Variants in TAFA1 observed in about 807,000 individuals in gnomAD.
TAFA1 encodes the protein TAFA chemokine like family member 1.
In TAFA1, 4 loss-of-function variants were observed where a neutral mutation model predicts 18.5. The observed-to-expected ratio is 0.22, with a 90% CI of 0.11 to 0.49. The LOEUF (loss-of-function observed/expected upper bound fraction) is 0.49. TAFA1 is among the 20% of genes least tolerant of loss of function. The pLI is 0.98. For missense variants in TAFA1, 147 were observed against 169.0 expected, an observed-to-expected ratio of 0.87 and a Z score of 0.72; for synonymous variants, 56 against 55.2, an observed-to-expected ratio of 1.01 and a Z score of -0.06.
intron 2 of TAFA1, among the ~76,000 whole-genome samples, chr3:68,310,886 G>A (rs546824824): frequency 5.9e-5 from 9 of 151,978 alleles, no homozygotes; most frequent in African/African-American, 9.7e-5. Context: ...AAGTGTTTAC[G>A]TATGCTAAAT....
At chr3:68,360,177 A>G (rs2069443508) in intron 2 of TAFA1, among the ~76,000 whole-genome samples, 1 of 151,902 alleles carries the variant, frequency 6.6e-6, no homozygotes, top group East Asian at 1.9e-4. Flanking sequence ...TGTCGTGGTG[A>G]TTTGGCAGAG....
chr3:68,073,624 T>A (rs886498683), intron 2 of TAFA1, among the ~76,000 whole-genome samples: 1 of 152,220 alleles, frequency 6.6e-6, no homozygotes, highest in Non-Finnish European at 1.5e-5. Flanking sequence ...GGGATTAAAC[T>A]GTTTCCATAT....
chr3:68,313,531 G>T (rs2068557680), intron 2 of TAFA1, among the ~76,000 whole-genome samples: 1 of 152,140 alleles, frequency 6.6e-6, no homozygotes, highest in Admixed American at 6.5e-5. Flanking sequence ...CCCCCGCAAA[G>T]TTGTTCAAAT....
chr3:68,158,924 A>G (rs2065895341), intron 2 of TAFA1, among the ~76,000 whole-genome samples: 1 of 152,210 alleles, frequency 6.6e-6, no homozygotes, highest in African/African-American at 2.4e-5. Flanking sequence ...GACAAAGAAG[A>G]TGGTGACTGA....
rs751909494 is a variant in TAFA1 at position 68,544,450 on chromosome 3, GTTCTCCCTGAAA to G, written c.385-34_385-23del. 7 of 1,609,768 alleles carry G rather than the reference GTTCTCCCTGAAA, an allele frequency of 4.3e-6. No individual in the cohort carries two copies. In the Admixed American group the frequency reaches 1.2e-4, roughly 27 times the overall value. ...TTTCTTTGTGCCTTCAGTTTGCACT[GTTCTCCCTGAAA>G]TGTCTGTCTTTCTTTGGTTTCAGAT... On this transcript the variant is annotated intron_variant, in intron 4 of 4. Coordinates refer to ENST00000478136, the MANE Select transcript of TAFA1 (RefSeq NM_213609.4).
chr3:68,196,602 A>G (rs1318317782), intron 2 of TAFA1, among the ~76,000 whole-genome samples: 3 of 151,644 alleles, frequency 2.0e-5, no homozygotes, highest in Non-Finnish European at 4.4e-5. Context: ...ATGTTGTCAT[A>G]TTTCTGCCTC....
chr3:68,503,733 C>T (rs1209119284), intron 3 of TAFA1, among the ~76,000 whole-genome samples: 4 of 151,990 alleles, frequency 2.6e-5, no homozygotes, highest in Non-Finnish European at 5.9e-5. Context: ...AGTAGGGAGG[C>T]CTTTCTGATG....
chr3:68,236,461 CCCTTT>C (rs2066928335), intron 2 of TAFA1, among the ~76,000 whole-genome samples: 1 of 152,194 alleles, frequency 6.6e-6, no homozygotes, highest in Non-Finnish European at 1.5e-5. Flanking sequence ...TAAACTCATT[CCCTTT>C]CATTATTTTA....
At chr3:68,038,443 T>A (rs1403559008) in intron 2 of TAFA1, among the ~76,000 whole-genome samples, 1 of 152,184 alleles carries the variant, frequency 6.6e-6, no homozygotes, top group Non-Finnish European at 1.5e-5. Flanking sequence ...GAACCTGTCT[T>A]CTTTCCTGGA....
At chr3:68,116,819 T>C (rs1175380441) in intron 2 of TAFA1, among the ~76,000 whole-genome samples, 1 of 152,218 alleles carries the variant, frequency 6.6e-6, no homozygotes, top group African/African-American at 2.4e-5. Flanking sequence ...CCAGCCCACC[T>C]GCCTGGGTTT....
chr3:68,532,936 A>G lies in TAFA1; in HGVS notation c.260-5820A>G, dbSNP rs1297202257. ...AAAAGTCTGACATAGGTCTCAATCA[A>G]TTTGGAGGTTTATTTTGCCAATGAT... On this transcript the variant is annotated intron_variant, in intron 3 of 4. Coordinates refer to ENST00000478136, the MANE Select transcript of TAFA1 (RefSeq NM_213609.4). Among the ~76,000 whole-genome samples the G allele has an allele frequency of 2.6e-5, 4 of 151,398 alleles. No individual in the cohort carries two copies. In the East Asian group the frequency reaches 5.8e-4, roughly 22 times the overall value.
chr3:68,003,808 T>C (rs1476555639), upstream of TAFA1, among the ~76,000 whole-genome samples: 1 of 152,226 alleles, frequency 6.6e-6, no homozygotes, highest in East Asian at 1.9e-4. Flanking sequence ...AGAAGGTTTT[T>C]ATTGGACTTA....
At chr3:68,205,768 G>A (rs2066519716) in intron 2 of TAFA1, among the ~76,000 whole-genome samples, 1 of 151,762 alleles carries the variant, frequency 6.6e-6, no homozygotes, top group Non-Finnish European at 1.5e-5. Context: ...GAAGGAAAAA[G>A]AACAATTAGT....
chr3:68,209,868 A>G (rs559846787), intron 2 of TAFA1, among the ~76,000 whole-genome samples: 1 of 152,156 alleles, frequency 6.6e-6, no homozygotes, highest in African/African-American at 2.4e-5. Context: ...ATTGAAAATC[A>G]AAAATACATA....
chr3:68,036,402 G>A (rs1301689017), intron 2 of TAFA1, among the ~76,000 whole-genome samples: 1 of 138,876 alleles, frequency 7.2e-6, no homozygotes, highest in East Asian at 2.2e-4. Context: ...CTGTGCCACT[G>A]CACTCCAGCC....
At chr3:68,076,804 G>A (rs2064831199) in intron 2 of TAFA1, among the ~76,000 whole-genome samples, 1 of 152,194 alleles carries the variant, frequency 6.6e-6, no homozygotes, top group South Asian at 2.1e-4. Context: ...ATGATTTATA[G>A]TCCTTTGGGT....
rs193062917 is a variant in TAFA1, at chr3:68,148,747, G to A, written c.118+142003G>A. Among the ~76,000 whole-genome samples the A allele has an allele frequency of 1.0e-3, 155 of 152,274 alleles. 1 individual carries two copies. Among genetic ancestry groups the A allele is most frequent in the Non-Finnish European group, 1.7e-3 (114 of 68,022 alleles). Reference sequence around the variant, plus strand: ...GCAGCTCTGCTCAGCCTTCTTTGGGGAGGCAGAGCTAAGGGTTATCCCCCC... The same window carrying A: ...GCAGCTCTGCTCAGCCTTCTTTGGGAAGGCAGAGCTAAGGGTTATCCCCCC... On this transcript the variant is annotated intron_variant, in intron 2 of 4. Transcript: ENST00000478136.
At chr3:68,385,313 A>T (rs1399039871) in intron 2 of TAFA1, among the ~76,000 whole-genome samples, 1 of 152,126 alleles carries the variant, frequency 6.6e-6, no homozygotes, top group Non-Finnish European at 1.5e-5. Flanking sequence ...TGTAAACAAC[A>T]TGGCGTTTCC....
chr3:68,359,460 G>T (rs1212529336), intron 2 of TAFA1, among the ~76,000 whole-genome samples: 1 of 151,918 alleles, frequency 6.6e-6, no homozygotes, highest in Non-Finnish European at 1.5e-5. Flanking sequence ...CAAATACAAA[G>T]GGATGCAGAA....
Sources: gnomAD v4.1 joint callset for allele counts (sites outside exome capture counted in the v4.1 genomes callset) on GRCh38, gnomAD v4.1.1 for gene constraint, MANE v1.5 for transcripts, NCBI Gene and HGNC (gene_info 2026-07-23, HGNC 2026-07-21) for gene names.